Variants in RAB2A observed in about 807,000 individuals in gnomAD.
The protein encoded by RAB2A is RAB2A, member RAS oncogene family.
RAB2A carries 7 observed loss-of-function variants against 32.5 expected under a neutral mutation model. The observed-to-expected ratio is 0.22, with a 90% CI of 0.12 to 0.40. RAB2A has a LOEUF of 0.40. Ranked by LOEUF, RAB2A falls within the 10% of genes least tolerant of loss-of-function variation. The pLI is 1.00. For synonymous variants in RAB2A, 79 were observed against 85.2 expected, an observed-to-expected ratio of 0.93 and a Z score of 0.40; for missense variants, 108 against 260.7, an observed-to-expected ratio of 0.41 and a Z score of 4.03.
At chr8:60,549,447 G>C (rs1436832762) in intron 1 of RAB2A, among the ~76,000 whole-genome samples, 1 of 151,860 alleles carries the variant, frequency 6.6e-6, no homozygotes, top group Non-Finnish European at 1.5e-5. Context: ...AGACCAGCCC[G>C]GCCAACACAG....
chr8:60,611,821 C>G (rs1333744685), intron 6 of RAB2A, among the ~76,000 whole-genome samples: 1 of 152,140 alleles, frequency 6.6e-6, no homozygotes, highest in East Asian at 1.9e-4. Context: ...AAACGTCAGT[C>G]ATTGGTTCAG....
chr8:60,548,471 G>A (rs1227446308), intron 1 of RAB2A, among the ~76,000 whole-genome samples: 1 of 50,704 alleles, frequency 2.0e-5, no homozygotes, highest in Non-Finnish European at 3.2e-5. Context: ...GCCGGGCAGA[G>A]GCGCCCCTCA....
intron 5 of RAB2A, among the ~76,000 whole-genome samples, chr8:60,587,807 C>CAAG (rs1332834719): frequency 1.3e-5 from 2 of 152,072 alleles, no homozygotes; most frequent in Non-Finnish European, 2.9e-5. Flanking sequence ...AATGAAAAGA[C>CAAG]AAGCTACAGA....
intron 5 of RAB2A, among the ~76,000 whole-genome samples, chr8:60,587,747 A>G (rs1168296795): frequency 1.3e-5 from 2 of 150,612 alleles, no homozygotes; most frequent in African/African-American, 5.0e-5. Context: ...AATATATGCA[A>G]TTTTACCTAT....
intron 2 of RAB2A, among the ~76,000 whole-genome samples, chr8:60,566,332 T>G (rs1358859027): frequency 3.3e-5 from 5 of 152,244 alleles, no homozygotes; most frequent in Non-Finnish European, 7.3e-5. Context: ...TTTTACTTTT[T>G]CGTTCTTTTT....
At chr8:60,573,741 C>G (rs1808229206) in intron 3 of RAB2A, among the ~76,000 whole-genome samples, 1 of 152,222 alleles carries the variant, frequency 6.6e-6, no homozygotes, top group South Asian at 2.1e-4. Context: ...TTAATAATCT[C>G]CAACCAAAAA....
intron 2 of RAB2A, among the ~76,000 whole-genome samples, chr8:60,565,155 A>AT (rs1272206754): frequency 2.6e-5 from 4 of 152,198 alleles, no homozygotes; most frequent in Non-Finnish European, 5.9e-5. Context: ...TGCTGGGCTC[A>AT]TGCCTATAAT....
chr8:60,616,580 A>G (rs574561153), intron 6 of RAB2A, among the ~76,000 whole-genome samples: 1 of 152,406 alleles, frequency 6.6e-6, no homozygotes, highest in African/African-American at 2.4e-5. Context: ...GAATCAATTC[A>G]TACTTGGCTG....
At chr8:60,577,194 CG>C (rs1412005260) in intron 3 of RAB2A, among the ~76,000 whole-genome samples, 1 of 151,944 alleles carries the variant, frequency 6.6e-6, no homozygotes, top group Non-Finnish European at 1.5e-5. Flanking sequence ...TACAGGCACT[CG>C]CCACCACTCC....
intron 3 of RAB2A, chr8:60,576,404 C>A: frequency 5.1e-6 from 2 of 391,558 alleles, no homozygotes; most frequent in Non-Finnish European, 1.0e-5. Context: ...CAGTTGCCTT[C>A]CAGCATATCC....
chr8:60,519,176 C>G (rs1371448493), intron 1 of RAB2A, among the ~76,000 whole-genome samples: 3 of 152,190 alleles, frequency 2.0e-5, no homozygotes, highest in Non-Finnish European at 4.4e-5. Flanking sequence ...CAGTACTTCT[C>G]CCTACTCCAG....
chr8:60,584,387 G>T, intron 4 of RAB2A, 97 bp downstream of exon 4: 1 of 1,066,746 alleles, frequency 9.4e-7, no homozygotes. Flanking sequence ...TAGCCTTTCT[G>T]CCCCGGCTAC....
At position 60,621,726 on chromosome 8, in the gene RAB2A, T is replaced by C. The variant is rs1054246795; in HGVS notation, c.*957T>C. Reference sequence around the variant, plus strand: ...TTTATTCACATGATTTCTAAGTATATTTTTCATGCAGGACAGTTTTTCAAC... The same window carrying C: ...TTTATTCACATGATTTCTAAGTATACTTTTCATGCAGGACAGTTTTTCAAC... On this transcript the variant is annotated 3_prime_UTR_variant, in exon 8 of 8. Coordinates refer to ENST00000262646, the MANE Select transcript of RAB2A (RefSeq NM_002865.3). 1.3e-5 allele frequency: 2 copies of C among 152,216 alleles called. No individual in the cohort carries two copies. The highest frequency in any genetic ancestry group is 2.9e-5 in the Non-Finnish European group (2 of 68,036). The allele number at this position is 152,216 out of a possible 1,614,324, so 9.4% of individuals were successfully genotyped here.
chr8:60,567,894 C>G (rs950264227), intron 2 of RAB2A, among the ~76,000 whole-genome samples: 4 of 151,992 alleles, frequency 2.6e-5, no homozygotes, highest in Non-Finnish European at 4.4e-5. Context: ...ACCAAAGTCT[C>G]TAGAATAATT....
At chr8:60,590,526 C>T (rs1364481620) in intron 5 of RAB2A, among the ~76,000 whole-genome samples, 1 of 143,592 alleles carries the variant, frequency 7.0e-6, no homozygotes, top group African/African-American at 2.6e-5. Flanking sequence ...CGTGTATACA[C>T]AAATATATAT....
At chr8:60,537,631 C>T (rs746767940) in intron 1 of RAB2A, among the ~76,000 whole-genome samples, 1 of 152,200 alleles carries the variant, frequency 6.6e-6, no homozygotes, top group Non-Finnish European at 1.5e-5. Flanking sequence ...CTCTCTAGTT[C>T]CAACAAAACC....
chr8:60,525,963 A>C (rs987024480), intron 1 of RAB2A, among the ~76,000 whole-genome samples: 1 of 146,594 alleles, frequency 6.8e-6, no homozygotes, highest in Non-Finnish European at 1.5e-5. Flanking sequence ...ATATATGTAT[A>C]TATATGTCTA....
At chr8:60,552,718 A>G (rs553744255) in intron 1 of RAB2A, 11 of 152,352 alleles carry the variant, frequency 7.2e-5, no homozygotes, top group African/African-American at 2.6e-4. Context: ...GAAATAATAT[A>G]TGGAAAGTTA....
At position 60,581,946 on chromosome 8, in the gene RAB2A, C is replaced by T. The variant is rs948486321; in HGVS notation, c.187-2262C>T. 2.1e-5 allele frequency among the ~76,000 whole-genome samples: 3 copies of T among 140,386 alleles called. No homozygotes were observed. The Admixed American group carries it at 2.1e-4, about 10-fold the overall frequency. 92.1% of individuals were successfully genotyped at this position (140,386 alleles called of 152,430 possible). On this transcript the variant is annotated intron_variant, in intron 3 of 7. Transcript: ENST00000262646. ...TTTTTTGTTGTTGTTGTTTTTCTTT[C>T]TTTTTTTTTTTTTTTAAAGACACAG...
Sources: gnomAD v4.1 joint callset for allele counts (sites outside exome capture counted in the v4.1 genomes callset) on GRCh38, gnomAD v4.1.1 for gene constraint, MANE v1.5 for transcripts, NCBI Gene and HGNC (gene_info 2026-07-23, HGNC 2026-07-21) for gene names.